Variants in GPBP1 observed in about 807,000 individuals in gnomAD.
GPBP1 encodes GC-rich promoter binding protein 1.
A neutral mutation model predicts 56.5 loss-of-function variants in GPBP1; 13 were observed. That is an observed-to-expected ratio of 0.23 (90% CI 0.15 to 0.37). GPBP1 has a LOEUF of 0.37. GPBP1 is among the 10% of genes least tolerant of loss of function. The pLI is 1.00. For synonymous variants in GPBP1, 204 were observed against 188.9 expected (o/e 1.08, Z -0.66); for missense variants, 477 against 572.3 (o/e 0.83, Z 1.70).
chr5:57,230,797 A>T (rs1471664892), intron 3 of GPBP1, 49 bp from the exon 4 acceptor site: 1 of 1,499,352 alleles, frequency 6.7e-7, no homozygotes, highest in African/African-American at 1.4e-5. Context: ...TAGTTTTTAA[A>T]GTTATATTTA....
At chr5:57,237,516 A>G (rs1740588150) in intron 6 of GPBP1, 1 of 235,826 alleles carries the variant, frequency 4.2e-6, no homozygotes, top group Non-Finnish European at 8.5e-6. Context: ...AAGATGTTCA[A>G]AAGGAAGATG....
At chr5:57,182,326 T>C (rs1451595826) in intron 2 of GPBP1, among the ~76,000 whole-genome samples, 1 of 151,182 alleles carries the variant, frequency 6.6e-6, no homozygotes, top group African/African-American at 2.4e-5. Context: ...TGAAGTGATC[T>C]GCCCACCTCA....
intron 2 of GPBP1, among the ~76,000 whole-genome samples, chr5:57,195,980 C>CAAAAA (rs1181097227): frequency 0.035 from 1,019 of 28,944 alleles, 39 homozygotes; most frequent in Non-Finnish European, 0.039. Context: ...AACTCCATCT[C>CAAAAA]AAAAAAAAAA....
intron 6 of GPBP1, among the ~76,000 whole-genome samples, chr5:57,243,466 A>T (rs1046186025): frequency 6.6e-6 from 1 of 151,994 alleles, no homozygotes. Flanking sequence ...TTACTCTGCT[A>T]CCTACTCTTC....
intron 2 of GPBP1, among the ~76,000 whole-genome samples, chr5:57,188,985 T>A (rs1754407326): frequency 6.6e-6 from 1 of 151,146 alleles, no homozygotes; most frequent in Non-Finnish European, 1.5e-5. Flanking sequence ...CCTCTTTCTG[T>A]CTGTCTGTCT....
intron 11 of GPBP1, 113 bp from the exon 12 acceptor site, chr5:57,262,481 A>T: frequency 1.3e-6 from 1 of 756,348 alleles, no homozygotes; most frequent in Non-Finnish European, 2.2e-6. Flanking sequence ...AAATATCATT[A>T]CTTGTGTAGT....
chr5:57,179,831 C>T (rs190681900), intron 2 of GPBP1, among the ~76,000 whole-genome samples: 94 of 152,292 alleles, frequency 6.2e-4, no homozygotes, highest in African/African-American at 2.2e-3. Context: ...CTCCTAACTT[C>T]AGATGTCTGT....
intron 2 of GPBP1, among the ~76,000 whole-genome samples, chr5:57,184,733 A>G (rs1216302006): frequency 6.6e-6 from 1 of 152,312 alleles, no homozygotes; most frequent in South Asian, 2.1e-4. Context: ...GAATCAGAAT[A>G]TAGAATATTT....
At chr5:57,196,731 C>T (rs1234305553) in intron 2 of GPBP1, among the ~76,000 whole-genome samples, 1 of 146,038 alleles carries the variant, frequency 6.8e-6, no homozygotes, top group Non-Finnish European at 1.5e-5. Flanking sequence ...TAGCTGGGAC[C>T]ACAGGTGTGT....
intron 6 of GPBP1, among the ~76,000 whole-genome samples, chr5:57,240,335 C>T (rs915306266): frequency 5.9e-5 from 9 of 152,174 alleles, no homozygotes; most frequent in South Asian, 2.1e-4. Context: ...ATTAAATTTA[C>T]CTCTTCTGTC....
At chr5:57,225,491 CAAAA>C (rs554699501) in intron 3 of GPBP1, among the ~76,000 whole-genome samples, 10 of 38,136 alleles carry the variant, frequency 2.6e-4, no homozygotes, top group Admixed American at 6.2e-4. Context: ...GATTCCTTCT[CAAAA>C]AAAAAAAAAA....
At chr5:57,226,877 C>CTGCA (rs1756222451) in intron 3 of GPBP1, among the ~76,000 whole-genome samples, 1 of 151,190 alleles carries the variant, frequency 6.6e-6, no homozygotes, top group South Asian at 2.1e-4. Context: ...GTAGCTGGGA[C>CTGCA]TGCAGGTGCC....
intron 6 of GPBP1, among the ~76,000 whole-genome samples, chr5:57,241,081 T>G (rs1001226789): frequency 6.6e-6 from 1 of 152,108 alleles, no homozygotes; most frequent in African/African-American, 2.4e-5. Flanking sequence ...ATGAAGGAGA[T>G]TCTAGTTGTA....
intron 2 of GPBP1, among the ~76,000 whole-genome samples, chr5:57,191,221 A>G (rs1328560022): frequency 6.6e-6 from 1 of 151,844 alleles, no homozygotes; most frequent in Non-Finnish European, 1.5e-5. Flanking sequence ...AGTAGCTGGA[A>G]TTAACAGGCG....
At chr5:57,227,281 C>T (rs372548743) in intron 3 of GPBP1, among the ~76,000 whole-genome samples, 25 of 152,152 alleles carry the variant, frequency 1.6e-4, no homozygotes, top group African/African-American at 5.5e-4. Flanking sequence ...TGGCCAGGCT[C>T]GTCTCAAACT....
rs70999065 is a variant in GPBP1 at position 57,208,655 on chromosome 5, C to CTT, written c.-57-5401_-57-5400dup. ...ACAGGGATATCTGTCTTTTGTTTTT[C>CTT]TTTTTTTTTTTTTTTTTTTGAGACA... On this transcript the variant is annotated intron_variant, in intron 2 of 11. Transcript: ENST00000506184. Among the ~76,000 whole-genome samples, 60 of 119,040 alleles carry CTT rather than the reference C, an allele frequency of 5.0e-4. 1 individual carries two copies. In the East Asian group the frequency reaches 7.2e-3, roughly 14 times the overall value. The allele number at this position is 119,040 out of a possible 152,430, so 78.1% of individuals were successfully genotyped here. A position where few individuals can be genotyped will look rare whatever the true frequency, so the allele number is the denominator to read the frequency against.
chr5:57,185,779 C>A lies in GPBP1; in HGVS notation c.-58+9379C>A, dbSNP rs368550810. ...CTTTGGGAGGCCGAGGTGGGCAGAT[C>A]GCTTGAGCCCAGGAGTTCGAGACCA... On this transcript the variant is annotated intron_variant, in intron 2 of 11. Transcript: ENST00000506184. Among the ~76,000 whole-genome samples the A allele has an allele frequency of 1.1e-3, 169 of 151,932 alleles. 9 individuals carry two copies. The South Asian group carries it at 0.034, about 31-fold the overall frequency.
chr5:57,240,794 G>C (rs1288011064), intron 6 of GPBP1, among the ~76,000 whole-genome samples: 1 of 152,038 alleles, frequency 6.6e-6, no homozygotes, highest in African/African-American at 2.4e-5. Flanking sequence ...GACCAACATG[G>C]AGAAACCCTG....
chr5:57,193,204 A>C (rs1434860678), intron 2 of GPBP1, among the ~76,000 whole-genome samples: 1 of 151,556 alleles, frequency 6.6e-6, no homozygotes, highest in East Asian at 1.9e-4. Context: ...GTAATCCCAG[A>C]TACTCAGGAG....
Sources: gnomAD v4.1 joint callset for allele counts (sites outside exome capture counted in the v4.1 genomes callset) on GRCh38, gnomAD v4.1.1 for gene constraint, MANE v1.5 for transcripts, NCBI Gene and HGNC (gene_info 2026-07-23, HGNC 2026-07-21) for gene names.